Variants in ZNF837 observed in about 807,000 individuals in gnomAD.
ZNF837 encodes zinc finger protein 837.
For synonymous variants in ZNF837, 475 were observed against 365.2 expected, an observed-to-expected ratio of 1.30 and a Z score of -3.43; for missense variants, 955 against 801.7, an observed-to-expected ratio of 1.19 and a Z score of -2.31.
At chr19:58,380,728 A>G (rs901609949) in intron 1 of ZNF837, among the ~76,000 whole-genome samples, 1 of 152,156 alleles carries the variant, frequency 6.6e-6, no homozygotes, top group Admixed American at 6.5e-5. Flanking sequence ...GGCCAGAACT[A>G]CAGAAGCCCG....
intron 1 of ZNF837, among the ~76,000 whole-genome samples, chr19:58,372,441 G>A (rs991494519): frequency 6.6e-6 from 1 of 152,010 alleles, no homozygotes; most frequent in Non-Finnish European, 1.5e-5. Context: ...TCCGGGGGGG[G>A]CGGATCACGA....
intron 1 of ZNF837, among the ~76,000 whole-genome samples, chr19:58,380,063 G>C (rs1176663994): frequency 3.9e-5 from 6 of 152,214 alleles, no homozygotes; most frequent in African/African-American, 1.2e-4. Context: ...GTGGCTCTGA[G>C]GTGTGGAGGA....
intron 1 of ZNF837, among the ~76,000 whole-genome samples, chr19:58,371,914 G>T (rs1168013121): frequency 6.6e-6 from 1 of 151,602 alleles, no homozygotes; most frequent in African/African-American, 2.4e-5. Context: ...GTAGAGATGG[G>T]GTTTCACCAT....
intron 1 of ZNF837, among the ~76,000 whole-genome samples, chr19:58,380,147 C>T (rs1381021031): frequency 6.6e-6 from 1 of 152,182 alleles, no homozygotes; most frequent in Non-Finnish European, 1.5e-5. Context: ...ACTGACAGTC[C>T]CAGGGGACAC....
intron 1 of ZNF837, among the ~76,000 whole-genome samples, chr19:58,376,241 A>G (rs2052244245): frequency 2.6e-5 from 4 of 152,116 alleles, no homozygotes. Flanking sequence ...CTTTTAAGCA[A>G]TACATTTGTA....
At chr19:58,377,170 T>G (rs942347318) in intron 1 of ZNF837, among the ~76,000 whole-genome samples, 15 of 145,636 alleles carry the variant, frequency 1.0e-4, no homozygotes, top group African/African-American at 3.9e-4. Context: ...TGAGCCAAGA[T>G]CGTGCCACTG....
Position 58,369,018 on chromosome 19 carries a change from G to C in ZNF837, c.315C>G (p.Pro105=). The C allele has an allele frequency of 6.6e-7, 1 of 1,513,838 alleles. No homozygotes were observed. The highest frequency in any genetic ancestry group is 8.9e-7 in the Non-Finnish European group (1 of 1,128,356). 93.8% of individuals were successfully genotyped at this position (1,513,838 alleles called of 1,614,324 possible). A position where few individuals can be genotyped will look rare whatever the true frequency, so the allele number is the denominator to read the frequency against. Residue 105 remains proline (P), a synonymous_variant, in exon 3 of 3, where the codon CCC becomes CCG. Coordinates refer to ENST00000597582, the MANE Select transcript of ZNF837 (RefSeq NM_138466.2). ...TSSQNPELVI[P]EGLQAREGPC... ...GGCCCTCCCGGGCTTGCAGCCCCTC[G>C]GGGATAACCAGCTCAGGGTTCTGAG...
At chr19:58,378,481 T>A (rs947770741) in intron 1 of ZNF837, among the ~76,000 whole-genome samples, 9 of 152,142 alleles carry the variant, frequency 5.9e-5, no homozygotes, top group Non-Finnish European at 1.0e-4. Context: ...CAGCATGACT[T>A]CCTAGAACTC....
intron 1 of ZNF837, among the ~76,000 whole-genome samples, chr19:58,374,390 T>C (rs1464003417): frequency 6.6e-6 from 1 of 152,180 alleles, no homozygotes; most frequent in Non-Finnish European, 1.5e-5. Flanking sequence ...TACTGCAACA[T>C]GGACTTTAGA....
At chr19:58,375,270 G>GTATATATATATA (rs58582835) in intron 1 of ZNF837, among the ~76,000 whole-genome samples, 41 of 34,850 alleles carry the variant, frequency 1.2e-3, no homozygotes, top group Non-Finnish European at 1.7e-3. Context: ...AAAAAAAAAA[G>GTATATATATATA]TATATATATA....
chr19:58,374,888 G>C (rs1385698640), intron 1 of ZNF837, among the ~76,000 whole-genome samples: 1 of 145,248 alleles, frequency 6.9e-6, no homozygotes, highest in East Asian at 2.1e-4. Flanking sequence ...AGCCGAGATC[G>C]CACCACTGCA....
At chr19:58,375,755 CTTT>C (rs75807213) in intron 1 of ZNF837, among the ~76,000 whole-genome samples, 4 of 141,122 alleles carry the variant, frequency 2.8e-5, no homozygotes, top group East Asian at 4.1e-4. Context: ...TGATTTATAT[CTTT>C]TTTTTTTTTT....
chr19:58,379,842 G>A (rs1170854958), intron 1 of ZNF837, among the ~76,000 whole-genome samples: 1 of 152,168 alleles, frequency 6.6e-6, no homozygotes, highest in Non-Finnish European at 1.5e-5. Flanking sequence ...GAATGTGCAG[G>A]GAAGTCGCCA....
In ZNF837 at chr19:58,369,097, C is replaced by G. The variant is rs922780112; in HGVS notation, c.236G>C (p.Arg79Pro). 1 of 1,507,076 alleles carries G rather than the reference C, an allele frequency of 6.6e-7. No individual in the cohort carries two copies. The allele number at this position is 1,507,076 out of a possible 1,614,324, so 93.4% of individuals were successfully genotyped here. A position where few individuals can be genotyped will look rare whatever the true frequency, so the allele number is the denominator to read the frequency against. ...GAGGGGTCTGGTCCCGGCGCTGTGC[C>G]GGGTCCCCGGGCCGGGGCTCACCCC... ...SLGVSPGPGT[R>P]HSAGTRPLVR... Residue 79 changes from arginine to proline, a missense_variant, in exon 3 of 3, where the codon CGG becomes CCG. Coordinates refer to ENST00000597582, the MANE Select transcript of ZNF837 (RefSeq NM_138466.2).
chr19:58,367,903 C>G lies in ZNF837; in HGVS notation c.1430G>C (p.Cys477Ser), dbSNP rs768331238. The G allele has an allele frequency of 6.5e-7, 1 of 1,535,010 alleles. No individual in the cohort carries two copies. The highest frequency in any genetic ancestry group is 2.5e-5 in the East Asian group (1 of 40,748). ...CACGAAGGCCTTGCCGCAGTCGCGG[C>G]AGATGTAGGGCTTCTCGCCCGAGTG... ...RLHSGEKPYI[C>S]RDCGKAFVRN... Residue 477 changes from cysteine (C) to serine (S), a missense_variant, in exon 3 of 3, where the codon TGC becomes TCC. Physicochemically the swap from Cys to Ser is moderately radical, Grantham distance 112. Transcript: ENST00000597582.
At chr19:58,375,398 T>C (rs1310334389) in intron 1 of ZNF837, among the ~76,000 whole-genome samples, 1 of 148,436 alleles carries the variant, frequency 6.7e-6, no homozygotes, top group African/African-American at 2.5e-5. Flanking sequence ...CCAACCTGAA[T>C]TGTAAAATGG....
At chr19:58,373,902 A>G (rs1341663945) in intron 1 of ZNF837, among the ~76,000 whole-genome samples, 1 of 152,224 alleles carries the variant, frequency 6.6e-6, no homozygotes, top group Non-Finnish European at 1.5e-5. Flanking sequence ...GGGGCGGGAC[A>G]AGATTTCAAA....
chr19:58,368,448 G>A lies in ZNF837; in HGVS notation c.885C>T (p.Gly295=), dbSNP rs2148014088. The A allele has an allele frequency of 6.4e-7, 1 of 1,566,442 alleles. No individual in the cohort carries two copies. Among genetic ancestry groups the A allele is most frequent in the Non-Finnish European group, 8.6e-7 (1 of 1,158,110 alleles). The change falls in exon 3 of 3, where the codon GGC becomes GGT. Residue 295 remains glycine, a synonymous_variant. Coordinates refer to ENST00000597582, the MANE Select transcript of ZNF837 (RefSeq NM_138466.2). ...SLLQHQRIHT[G]ERPYECAECG... The stretch of plus-strand genomic sequence containing the variant: ...ACTCGGCGCACTCGTAGGGCCGCTC[G>A]CCCGTGTGGATGCGCTGGTGCTGCA...
chr19:58,376,781 T>C (rs1182993338), intron 1 of ZNF837, among the ~76,000 whole-genome samples: 1 of 152,060 alleles, frequency 6.6e-6, no homozygotes, highest in Non-Finnish European at 1.5e-5. Flanking sequence ...AATTCACTCA[T>C]ATCAAAGAGA....
Sources: gnomAD v4.1 joint callset for allele counts (sites outside exome capture counted in the v4.1 genomes callset) on GRCh38, gnomAD v4.1.1 for gene constraint, MANE v1.5 for transcripts, NCBI Gene and HGNC (gene_info 2026-07-23, HGNC 2026-07-21) for gene names.